SLC9A2: variants seen among roughly 807,000 people sequenced by gnomAD.
SLC9A2 encodes sodium/hydrogen exchanger 2.
Under a neutral mutation model 71.7 loss-of-function variants are expected in SLC9A2, and 42 were observed. That is an observed-to-expected ratio of 0.59 (90% CI 0.46 to 0.76). The LOEUF (loss-of-function observed/expected upper bound fraction) is 0.76. SLC9A2 is among the 30% of genes least tolerant of loss of function. The pLI is 0.00. For synonymous variants in SLC9A2, 396 were observed against 392.5 expected, an observed-to-expected ratio of 1.01 and a Z score of -0.10; for missense variants, 829 against 1,017.4, an observed-to-expected ratio of 0.81 and a Z score of 2.52.
chr2:102,625,896 A>C (rs1676237761), intron 1 of SLC9A2, among the ~76,000 whole-genome samples: 1 of 152,214 alleles, frequency 6.6e-6, no homozygotes, highest in African/African-American at 2.4e-5. Flanking sequence ...GAATTGCCAC[A>C]CTGTCTTCCA....
chr2:102,684,006 G>A, intron 4 of SLC9A2, 128 bp from the exon 5 acceptor site: 1 of 674,076 alleles, frequency 1.5e-6, no homozygotes, highest in South Asian at 1.9e-5. Context: ...CAGAGAAAAA[G>A]GGGAAAGACT....
At chr2:102,663,817 G>A (rs1435337569) in intron 2 of SLC9A2, among the ~76,000 whole-genome samples, 2 of 152,150 alleles carry the variant, frequency 1.3e-5, no homozygotes, top group African/African-American at 4.8e-5. Flanking sequence ...TGCTTGGCTG[G>A]TATTTGACTT....
intron 2 of SLC9A2, among the ~76,000 whole-genome samples, chr2:102,662,762 T>C (rs965030884): frequency 1.4e-5 from 2 of 144,188 alleles, no homozygotes; most frequent in Non-Finnish European, 3.0e-5. Context: ...TAGAAAGCAG[T>C]TTAAAAAAAA....
At chr2:102,705,070 G>C (rs560666063) in intron 10 of SLC9A2, among the ~76,000 whole-genome samples, 1 of 152,154 alleles carries the variant, frequency 6.6e-6, no homozygotes, top group South Asian at 2.1e-4. Flanking sequence ...GCTGAATATG[G>C]TGGCGTGCGC....
At chr2:102,662,038 T>C (rs1310912635) in intron 2 of SLC9A2, among the ~76,000 whole-genome samples, 1 of 151,942 alleles carries the variant, frequency 6.6e-6, no homozygotes, top group African/African-American at 2.4e-5. Flanking sequence ...GTAAAACAGG[T>C]GGGAGGTTGT....
chr2:102,668,286 G>T (rs560063393), intron 3 of SLC9A2, among the ~76,000 whole-genome samples: 50 of 152,200 alleles, frequency 3.3e-4, no homozygotes, highest in African/African-American at 1.1e-3. Flanking sequence ...TTTCTAATGC[G>T]GGGTAATCAG....
rs1282343253 is a variant in SLC9A2, at chr2:102,632,009, T to G, written c.289+11872T>G. Among the ~76,000 whole-genome samples the G allele has an allele frequency of 1.1e-3, 38 of 35,596 alleles. 3 individuals carry two copies. The highest frequency in any genetic ancestry group is 6.3e-3 in the East Asian group (3 of 476). The allele number at this position is 35,596 out of a possible 152,430, so 23.4% of individuals were successfully genotyped here. On this transcript the variant is annotated intron_variant, in intron 1 of 11. Coordinates refer to ENST00000233969, the MANE Select transcript of SLC9A2 (RefSeq NM_003048.6). ...ATGAAAGTGGGGATATATATATATA[T>G]ATATATATATATATATATATATATA...
At chr2:102,661,394 A>G (rs2104522821) in intron 2 of SLC9A2, among the ~76,000 whole-genome samples, 1 of 152,320 alleles carries the variant, frequency 6.6e-6, no homozygotes, top group South Asian at 2.1e-4. Flanking sequence ...TAACTTTAGG[A>G]AGATGGAGGG....
rs770677303 is a variant in SLC9A2 at position 102,657,727 on chromosome 2, G to T, written c.453G>T (p.Leu151=). Residue 151 remains leucine, a synonymous_variant, in exon 2 of 12, where the codon CTG becomes CTT. Coordinates refer to ENST00000233969, the MANE Select transcript of SLC9A2 (RefSeq NM_003048.6). ...FFLYLLPPIV[L]DAGYFMPTRP... ...TGTACCTCCTCCCACCCATCGTGCT[G>T]GATGCCGGCTATTTCATGCCCACTC... The T allele has an allele frequency of 2.7e-5, 43 of 1,614,064 alleles. No homozygotes were observed. Among genetic ancestry groups the T allele is most frequent in the Non-Finnish European group, 3.6e-5 (43 of 1,180,030 alleles).
At chr2:102,698,895 T>C (rs1157113759) in intron 7 of SLC9A2, among the ~76,000 whole-genome samples, 1 of 152,172 alleles carries the variant, frequency 6.6e-6, no homozygotes, top group African/African-American at 2.4e-5. Flanking sequence ...CCAAGTAATA[T>C]GGCAGAGGGT....
chr2:102,653,095 T>G (rs1226013068), intron 1 of SLC9A2, among the ~76,000 whole-genome samples: 1 of 152,226 alleles, frequency 6.6e-6, no homozygotes, highest in South Asian at 2.1e-4. Context: ...AGAAAATCTT[T>G]TATGCCATCA....
intron 2 of SLC9A2, among the ~76,000 whole-genome samples, chr2:102,662,749 T>C (rs1677071534): frequency 6.7e-6 from 1 of 149,938 alleles, no homozygotes; most frequent in Admixed American, 6.8e-5. Flanking sequence ...GTCTGAAGTG[T>C]GTTAGAAAGC....
At chr2:102,664,445 GCACACACACACA>G (rs58155284) in intron 2 of SLC9A2, among the ~76,000 whole-genome samples, 2 of 147,860 alleles carry the variant, frequency 1.4e-5, no homozygotes, top group East Asian at 2.0e-4. Flanking sequence ...TTCAGCAGAT[GCACACACACACA>G]CACACACACA....
intron 1 of SLC9A2, among the ~76,000 whole-genome samples, chr2:102,635,759 A>ACATT (rs1169045700): frequency 6.6e-6 from 1 of 152,332 alleles, no homozygotes; most frequent in Middle Eastern, 3.4e-3. Flanking sequence ...GTTACAACTG[A>ACATT]CATTCATTCA....
chr2:102,683,225 G>T (rs374574265), intron 3 of SLC9A2, 36 bp from the exon 4 acceptor site: 20 of 1,456,058 alleles, frequency 1.4e-5, no homozygotes, highest in Non-Finnish European at 1.9e-5. Context: ...TAAGATCATT[G>T]TTAGGTTTCA....
intron 1 of SLC9A2, among the ~76,000 whole-genome samples, chr2:102,654,844 G>C (rs951384770): frequency 1.3e-5 from 2 of 152,162 alleles, no homozygotes; most frequent in Non-Finnish European, 2.9e-5. Context: ...GCATGTTACT[G>C]TACTGAATAC....
Position 102,710,434 on chromosome 2 carries a change from T to C in SLC9A2, c.*1945T>C, listed in dbSNP as rs1236849549. On this transcript the variant is annotated 3_prime_UTR_variant, in exon 12 of 12. Coordinates refer to ENST00000233969, the MANE Select transcript of SLC9A2 (RefSeq NM_003048.6). ...TTTCCTAATTTTTCCCAGTTTCCTA[T>C]GTTTATAACTATTATAAAGAGTTTA... 6.9e-6 allele frequency: 1 copy of C among 144,804 alleles called. No individual in the cohort carries two copies. Among genetic ancestry groups the C allele is most frequent in the Non-Finnish European group, 1.6e-5 (1 of 63,592 alleles). 9.0% of individuals were successfully genotyped at this position (144,804 alleles called of 1,614,324 possible).
chr2:102,690,276 T>G (rs1677633161), intron 5 of SLC9A2, among the ~76,000 whole-genome samples: 1 of 151,920 alleles, frequency 6.6e-6, no homozygotes, highest in African/African-American at 2.4e-5. Flanking sequence ...TCAGAAAAAG[T>G]GTGAGTGGAG....
chr2:102,671,164 G>T (rs1677244304), intron 3 of SLC9A2, among the ~76,000 whole-genome samples: 1 of 152,182 alleles, frequency 6.6e-6, no homozygotes, highest in Admixed American at 6.5e-5. Context: ...AGAGAAGGAA[G>T]CGGGGAATCA....
Sources: gnomAD v4.1 joint callset for allele counts (sites outside exome capture counted in the v4.1 genomes callset) on GRCh38, gnomAD v4.1.1 for gene constraint, MANE v1.5 for transcripts, NCBI Gene and HGNC (gene_info 2026-07-23, HGNC 2026-07-21) for gene names.